The following CELF4 variants were observed in gnomAD, a reference collection of about 807,000 sequenced individuals.
The protein encoded by CELF4 is CUGBP Elav-like family member 4.
A neutral mutation model predicts 59.9 loss-of-function variants in CELF4; 18 were observed. The ratio of observed to expected loss-of-function variants is 0.30; its 90% CI spans 0.21 to 0.45. The LOEUF is 0.45. Among genes scored for constraint, CELF4 ranks in the 20% least tolerant of loss-of-function variants. The pLI, the probability that CELF4 is intolerant of heterozygous loss-of-function variation, is 1.00. For missense variants in CELF4, 456 were observed against 689.0 expected (o/e 0.66, Z 3.79); for synonymous variants, 261 against 267.1 (o/e 0.98, Z 0.22).
chr18:37,481,361 C>G (rs1237248943), intron 2 of CELF4, among the ~76,000 whole-genome samples: 1 of 152,198 alleles, frequency 6.6e-6, no homozygotes, highest in African/African-American at 2.4e-5. Flanking sequence ...GTGAGAAGCC[C>G]TTTCTGCTAC....
chr18:37,285,798 G>A (rs922926363), intron 3 of CELF4, among the ~76,000 whole-genome samples: 3 of 152,116 alleles, frequency 2.0e-5, no homozygotes, highest in South Asian at 2.1e-4. Flanking sequence ...GGGTGGTGGC[G>A]CGCAGCCATC....
At chr18:37,497,513 A>G (rs1290567821) in intron 1 of CELF4, among the ~76,000 whole-genome samples, 2 of 152,184 alleles carry the variant, frequency 1.3e-5, no homozygotes, top group Middle Eastern at 3.4e-3. Flanking sequence ...TTAGTTGGGC[A>G]TGGTGGCATG....
intron 2 of CELF4, among the ~76,000 whole-genome samples, chr18:37,433,493 G>A (rs575800101): frequency 1.3e-5 from 2 of 152,260 alleles, no homozygotes; most frequent in African/African-American, 2.4e-5. Context: ...GTGCCCCTAC[G>A]GTGTTCAGCA....
chr18:37,404,924 T>C (rs2099365475), intron 2 of CELF4, among the ~76,000 whole-genome samples: 1 of 152,234 alleles, frequency 6.6e-6, no homozygotes, highest in African/African-American at 2.4e-5. Flanking sequence ...ATTAGTTCTG[T>C]CCCACCCTCT....
chr18:37,449,435 G>A (rs1214183446), intron 2 of CELF4, among the ~76,000 whole-genome samples: 1 of 152,138 alleles, frequency 6.6e-6, no homozygotes, highest in Non-Finnish European at 1.5e-5. Flanking sequence ...GGGATTCTAG[G>A]GAGGTGGGAG....
intron 2 of CELF4, among the ~76,000 whole-genome samples, chr18:37,455,690 G>T (rs1174810993): frequency 6.6e-6 from 1 of 152,214 alleles, no homozygotes; most frequent in East Asian, 1.9e-4. Flanking sequence ...AGATCTGCAG[G>T]ACACACGCTT....
rs35598472 is a variant in CELF4 at position 37,539,448 on chromosome 18, GACAC to G, written c.286+25904_286+25907del. ...GTGGACAAGGGCTGGGCACCTCTAA[GACAC>G]ACACACACACACACACACAAACACA... On this transcript the variant is annotated intron_variant, in intron 1 of 12. Coordinates refer to ENST00000420428, the MANE Select transcript of CELF4 (RefSeq NM_020180.4). Among the ~76,000 whole-genome samples the G allele has an allele frequency of 1.9e-3, 257 of 134,782 alleles. 1 individual carries two copies. Among genetic ancestry groups the G allele is most frequent in the African/African-American group, 5.0e-3 (171 of 34,424 alleles). 88.4% of individuals were successfully genotyped at this position (134,782 alleles called of 152,430 possible). A position where few individuals can be genotyped will look rare whatever the true frequency, so the allele number is the denominator to read the frequency against.
intron 3 of CELF4, among the ~76,000 whole-genome samples, chr18:37,284,234 C>T (rs1247386443): frequency 1.3e-5 from 2 of 151,214 alleles, no homozygotes; most frequent in Non-Finnish European, 3.0e-5. Flanking sequence ...GATGCACATA[C>T]ACATACACAC....
intron 1 of CELF4, among the ~76,000 whole-genome samples, chr18:37,492,011 A>T (rs2099907371): frequency 6.6e-6 from 1 of 152,136 alleles, no homozygotes; most frequent in Non-Finnish European, 1.5e-5. Flanking sequence ...CACGGAAGGG[A>T]AGGTTCCCGA....
At chr18:37,319,740 G>A (rs1211156668) in intron 3 of CELF4, among the ~76,000 whole-genome samples, 1 of 152,246 alleles carries the variant, frequency 6.6e-6, no homozygotes, top group Non-Finnish European at 1.5e-5. Context: ...AGAAATGAGG[G>A]GGAGAGAAAT....
At chr18:37,347,388 AATT>A (rs773620049) in intron 2 of CELF4, among the ~76,000 whole-genome samples, 13 of 151,924 alleles carry the variant, frequency 8.6e-5, no homozygotes, top group Admixed American at 2.6e-4. Flanking sequence ...ACCCTGGGCC[AATT>A]ATTCATTTAT....
chr18:37,337,995 A>ACCAC (rs1159311400), intron 2 of CELF4, among the ~76,000 whole-genome samples: 2 of 148,072 alleles, frequency 1.4e-5, no homozygotes, highest in African/African-American at 2.5e-5. Context: ...CACCATTGTC[A>ACCAC]TCACTACTGT....
rs1412554095 is a variant in CELF4 at position 37,471,525 on chromosome 18, C to T, written c.369+14000G>A. ...TGCCTTTGCCCCTGCTGTCACCTCA[C>T]TGGAGTGACATCTGGAGCCCCCTCC... is the stretch of plus-strand genomic sequence containing the variant. On this transcript the variant is annotated intron_variant, in intron 2 of 12. Transcript: ENST00000420428. Among the ~76,000 whole-genome samples the T allele has an allele frequency of 2.6e-5, 4 of 152,138 alleles. No homozygotes were observed. The South Asian group carries it at 8.3e-4, about 32-fold the overall frequency.
chr18:37,477,046 T>C (rs1016544729), intron 2 of CELF4, among the ~76,000 whole-genome samples: 1 of 152,162 alleles, frequency 6.6e-6, no homozygotes. Flanking sequence ...ATGGCTGGAA[T>C]AGGAGATGCC....
intron 2 of CELF4, among the ~76,000 whole-genome samples, chr18:37,392,647 T>C (rs79191275): frequency 0.023 from 3,490 of 152,338 alleles, 123 homozygotes; most frequent in African/African-American, 0.078. Flanking sequence ...TAGCAGACCA[T>C]TTAATTCCTG....
chr18:37,313,356 T>C (rs1050390253), intron 3 of CELF4, among the ~76,000 whole-genome samples: 1 of 152,194 alleles, frequency 6.6e-6, no homozygotes, highest in Non-Finnish European at 1.5e-5. Flanking sequence ...TCTGAGAAGT[T>C]TCTGTGCACC....
chr18:37,378,185 C>T (rs1311326934), intron 2 of CELF4, among the ~76,000 whole-genome samples: 1 of 152,188 alleles, frequency 6.6e-6, no homozygotes, highest in Non-Finnish European at 1.5e-5. Context: ...TGGAGAGCAG[C>T]ACTCCCTGGA....
chr18:37,411,350 G>A (rs918604110), intron 2 of CELF4, among the ~76,000 whole-genome samples: 26 of 152,186 alleles, frequency 1.7e-4, no homozygotes, highest in African/African-American at 5.8e-4. Context: ...TGTGGGAGAC[G>A]TGTGTGTTTA....
rs531872697 is a variant in CELF4, at chr18:37,531,362, C to T, written c.286+33994G>A. 3.9e-5 allele frequency among the ~76,000 whole-genome samples: 6 copies of T among 152,246 alleles called. No individual in the cohort carries two copies. In the South Asian group the frequency reaches 8.3e-4, roughly 21 times the overall value. On this transcript the variant is annotated intron_variant, in intron 1 of 12. Coordinates refer to ENST00000420428, the MANE Select transcript of CELF4 (RefSeq NM_020180.4). Reference sequence around the variant, plus strand: ...AGCTGAGCTTGCCGCCCTGGAGTCCCAGAGTCCCAGCTCTTTCTCGATGCT... The same window carrying T: ...AGCTGAGCTTGCCGCCCTGGAGTCCTAGAGTCCCAGCTCTTTCTCGATGCT...
Sources: allele counts gnomAD v4.1 joint callset (sites outside exome capture counted in the v4.1 genomes callset), GRCh38; gene constraint gnomAD v4.1.1; transcripts MANE v1.5; gene names NCBI Gene and HGNC (gene_info 2026-07-23, HGNC 2026-07-21).